The following GP6 variants were observed in gnomAD, a reference collection of about 807,000 sequenced individuals.
GP6 encodes glycoprotein VI platelet.
A neutral mutation model predicts 37.3 loss-of-function variants in GP6; 45 were observed. The ratio of observed to expected loss-of-function variants is 1.21; its 90% CI spans 0.95 to 1.55. The LOEUF is 1.55. GP6 is among the 40% of genes most tolerant of loss of function. GP6 has a pLI of 0.00. For missense variants in GP6, 813 were observed against 760.2 expected (o/e 1.07, Z -0.82); for synonymous variants, 340 against 316.4 (o/e 1.07, Z -0.79).
chr19:55,019,141 T>A (rs113660066), intron 5 of GP6, among the ~76,000 whole-genome samples: 9,293 of 148,678 alleles, frequency 0.063, 379 homozygotes, highest in Middle Eastern at 0.1. Context: ...AGTCTCATTC[T>A]GTTGCCCAGG....
At chr19:55,036,051 TGA>T (rs1409818896) in intron 1 of GP6, among the ~76,000 whole-genome samples, 2 of 146,456 alleles carry the variant, frequency 1.4e-5, no homozygotes, top group African/African-American at 2.5e-5. Flanking sequence ...CCAGCCTTGG[TGA>T]GAGAGCGAGA....
chr19:55,030,362 T>TTC (rs1555802819), intron 3 of GP6, among the ~76,000 whole-genome samples: 92 of 150,324 alleles, frequency 6.1e-4, no homozygotes, highest in East Asian at 3.7e-3. Context: ...TTTTTTTTTT[T>TTC]CCCAAGACGG....
chr19:55,029,064 T>G (rs1283881292), intron 3 of GP6, among the ~76,000 whole-genome samples: 1 of 149,132 alleles, frequency 6.7e-6, no homozygotes, highest in Non-Finnish European at 1.5e-5. Flanking sequence ...GCCTAATAAT[T>G]ATGGCATTCA....
Position 55,037,623 on chromosome 19 carries a change from C to CTTTTTTT in GP6, c.34+573_34+579dup, listed in dbSNP as rs1179101360. Among the ~76,000 whole-genome samples the CTTTTTTT allele has an allele frequency of 8.3e-4, 42 of 50,454 alleles. 8 individuals carry two copies. The highest frequency in any genetic ancestry group is 3.1e-3 in the African/African-American group (39 of 12,736). The allele number at this position is 50,454 out of a possible 152,430, so 33.1% of individuals were successfully genotyped here. ...AAGTGTGTAAGCCATGGCACTCAGC[C>CTTTTTTT]TTTTTTTTTTTTTTTTTTTTTTTTT... On this transcript the variant is annotated intron_variant, in intron 1 of 7. Coordinates refer to ENST00000310373, the MANE Select transcript of GP6 (RefSeq NM_001083899.2).
intron 5 of GP6, among the ~76,000 whole-genome samples, chr19:55,019,678 CTTTTTTTT>C (rs770367312): frequency 2.4e-5 from 3 of 126,754 alleles, no homozygotes; most frequent in African/African-American, 6.0e-5. Flanking sequence ...TTCTTTTTTT[CTTTTTTTT>C]TTTTTTTTTG....
intron 6 of GP6, among the ~76,000 whole-genome samples, chr19:55,017,539 A>G (rs893817449): frequency 2.6e-5 from 4 of 152,122 alleles, no homozygotes; most frequent in African/African-American, 7.2e-5. Context: ...GAAAAGGCAG[A>G]GTGAGTGGGT....
At chr19:55,032,665 A>G (rs909291145) in intron 1 of GP6, 127 bp from the exon 2 acceptor site, 1 of 1,018,452 alleles carries the variant, frequency 9.8e-7, no homozygotes, top group Non-Finnish European at 1.5e-6. Context: ...TTCAAAAGAC[A>G]CACAGGAATG....
At chr19:55,035,023 C>T (rs919181915) in intron 1 of GP6, among the ~76,000 whole-genome samples, 5 of 152,174 alleles carry the variant, frequency 3.3e-5, no homozygotes, top group East Asian at 1.9e-4. Context: ...TTCCATGCGA[C>T]GCTGTACCAT....
chr19:55,033,201 CGTGTT>C (rs745952014), intron 1 of GP6, among the ~76,000 whole-genome samples: 6 of 51,392 alleles, frequency 1.2e-4, no homozygotes, highest in Admixed American at 6.4e-4. Flanking sequence ...TGGACTCCTT[CGTGTT>C]GTGTTAGACA....
chr19:55,026,676 G>C (rs1276712619), intron 4 of GP6, among the ~76,000 whole-genome samples: 4 of 152,024 alleles, frequency 2.6e-5, no homozygotes, highest in Admixed American at 2.6e-4. Context: ...AGATCATGAG[G>C]TCAGTTCAAG....
At chr19:55,029,103 GAA>G (rs2074419965) in intron 3 of GP6, among the ~76,000 whole-genome samples, 1 of 147,144 alleles carries the variant, frequency 6.8e-6, no homozygotes. Context: ...AAAGAAAGAG[GAA>G]GGAAGGGAGG....
At chr19:55,033,721 G>C (rs915147893) in intron 1 of GP6, among the ~76,000 whole-genome samples, 18 of 152,072 alleles carry the variant, frequency 1.2e-4, no homozygotes, top group Admixed American at 1.3e-4. Flanking sequence ...ATTGCATATT[G>C]TATATTATTG....
intron 5 of GP6, among the ~76,000 whole-genome samples, 175 bp downstream of exon 5, chr19:55,025,043 C>CT (rs1193656387): frequency 1.3e-5 from 2 of 152,176 alleles, no homozygotes; most frequent in Non-Finnish European, 2.9e-5. Flanking sequence ...ATCTTAACAT[C>CT]TAACTACTTA....
intron 4 of GP6, among the ~76,000 whole-genome samples, chr19:55,026,488 T>C (rs957675295): frequency 2.6e-5 from 4 of 152,180 alleles, no homozygotes; most frequent in Non-Finnish European, 4.4e-5. Context: ...ATCCATGTTG[T>C]AGTATGTGTC....
At chr19:55,029,305 A>G (rs2074429482) in intron 3 of GP6, among the ~76,000 whole-genome samples, 1 of 107,730 alleles carries the variant, frequency 9.3e-6, no homozygotes, top group African/African-American at 3.5e-5. Context: ...CCCAGGCTGG[A>G]GTGCAATGGC....
intron 5 of GP6, among the ~76,000 whole-genome samples, chr19:55,024,320 A>ACACGCACATGCACG (rs796912619): frequency 7.0e-6 from 1 of 142,218 alleles, no homozygotes; most frequent in South Asian, 2.2e-4. Context: ...ATGCACGCAC[A>ACACGCACATGCACG]CACACATATG....
intron 6 of GP6, among the ~76,000 whole-genome samples, chr19:55,016,500 C>T (rs796873449): frequency 1.1e-4 from 16 of 151,580 alleles, no homozygotes; most frequent in African/African-American, 3.1e-4. Flanking sequence ...CTCAGCCTCC[C>T]GAGTAGCTGG....
chr19:55,014,420 T>C lies in GP6; in HGVS notation c.1525A>G (p.Thr509Ala), dbSNP rs142053457. 51 of 1,613,790 alleles carry C rather than the reference T, an allele frequency of 3.2e-5. 1 individual carries two copies. The African/African-American group carries it at 5.7e-4, about 18-fold the overall frequency. ...ATACCCAAACTGCCTGCAAGACCCGTTCTGAGAGACGAAAGGAGATTTGTT... is the reference window on the plus strand; with the variant it reads ...ATACCCAAACTGCCTGCAAGACCCGCTCTGAGAGACGAAAGGAGATTTGTT... Residue 509 changes from threonine to alanine, a missense_variant, in exon 8 of 8, where the codon ACG (threonine) becomes GCG (alanine). Coordinates refer to ENST00000310373, the MANE Select transcript of GP6 (RefSeq NM_001083899.2).
chr19:55,019,683 T>TC (rs1398374656), intron 5 of GP6, among the ~76,000 whole-genome samples: 1 of 148,140 alleles, frequency 6.8e-6, no homozygotes, highest in Non-Finnish European at 1.5e-5. Flanking sequence ...TTTTTCTTTT[T>TC]TTTTTTTTTT....
Sources: allele counts gnomAD v4.1 joint callset (sites outside exome capture counted in the v4.1 genomes callset), GRCh38; gene constraint gnomAD v4.1.1; transcripts MANE v1.5; gene names NCBI Gene and HGNC (gene_info 2026-07-23, HGNC 2026-07-21).